ANKFN1: variants seen among roughly 807,000 people sequenced by gnomAD.
ANKFN1 encodes ankyrin repeat and fibronectin type-III domain-containing protein 1.
ANKFN1 carries 74 observed loss-of-function variants against 108.7 expected under a neutral mutation model. The ratio of observed to expected loss-of-function variants is 0.68; its 90% CI spans 0.56 to 0.83. The LOEUF (loss-of-function observed/expected upper bound fraction) is 0.83. ANKFN1 is among the 40% of genes least tolerant of loss of function. The probability of loss-of-function intolerance (pLI) is 0.00; values close to 1 mark genes in which losing one functional copy is unlikely to be tolerated. For missense variants in ANKFN1, 1,505 were observed against 1,382.3 expected (o/e 1.09, Z -1.41); for synonymous variants, 547 against 516.2 (o/e 1.06, Z -0.81).
intron 1 of ANKFN1, among the ~76,000 whole-genome samples, chr17:56,173,081 A>G (rs1910828395): frequency 6.6e-6 from 1 of 152,226 alleles, no homozygotes; most frequent in Admixed American, 6.5e-5. Flanking sequence ...GACCCTAAGT[A>G]AAATTTGTGA....
chr17:56,367,920 G>C (rs1037175371), intron 6 of ANKFN1: 1 of 178,272 alleles, frequency 5.6e-6, no homozygotes, highest in South Asian at 1.9e-4. Flanking sequence ...ATAAATAATA[G>C]GTTGATTTGT....
At position 56,492,269 on chromosome 17, in the gene ANKFN1, C is replaced by T; in HGVS notation, c.2343C>T (p.Thr781=). The change falls in exon 19 of 21, where the codon ACC becomes ACT. Residue 781 remains threonine, a synonymous_variant. Coordinates refer to ENST00000682825, the MANE Select transcript of ANKFN1 (RefSeq NM_001370326.1). ...TTGTGGAGCTGGATTCTCTGAACAC[C>T]CAACAGTCCCTCAGGGAAGCAATCT... The part of the protein sequence containing the change: ...SAVVELDSLN[T]QQSLREAISD... 1 of 702,496 alleles carries T rather than the reference C, an allele frequency of 1.4e-6. No homozygotes were observed. 43.5% of individuals were successfully genotyped at this position (702,496 alleles called of 1,614,324 possible). A position where few individuals can be genotyped will look rare whatever the true frequency, so the allele number is the denominator to read the frequency against.
intron 4 of ANKFN1, among the ~76,000 whole-genome samples, chr17:56,090,333 A>C (rs186163686): frequency 5.9e-5 from 9 of 151,430 alleles, no homozygotes; most frequent in African/African-American, 2.2e-4. Context: ...GCAGTATGTC[A>C]CCTGAAAGGT....
intron 20 of ANKFN1, among the ~76,000 whole-genome samples, chr17:56,500,000 G>A (rs1271611723): frequency 1.3e-5 from 2 of 152,166 alleles, no homozygotes; most frequent in East Asian, 3.8e-4. Flanking sequence ...GCAGCATGGT[G>A]TAACAGAAAG....
chr17:56,138,578 C>T (rs1027545710), intron 4 of ANKFN1, among the ~76,000 whole-genome samples: 8 of 149,998 alleles, frequency 5.3e-5, no homozygotes, highest in Non-Finnish European at 8.9e-5. Context: ...GGCATGATCT[C>T]GGCTCACTGT....
At chr17:56,247,950 G>A (rs111500650) in intron 3 of ANKFN1, among the ~76,000 whole-genome samples, 297 of 152,198 alleles carry the variant, frequency 2.0e-3, no homozygotes, top group Non-Finnish European at 3.0e-3. Context: ...GAGAAGACTT[G>A]GACAGAGCAG....
chr17:56,321,991 C>G (rs1214509942), intron 3 of ANKFN1, among the ~76,000 whole-genome samples: 1 of 152,126 alleles, frequency 6.6e-6, no homozygotes, highest in Non-Finnish European at 1.5e-5. Flanking sequence ...AAATGGCCCT[C>G]AATGTTGCTA....
At chr17:56,162,339 G>T (rs2143509533) in intron 1 of ANKFN1, among the ~76,000 whole-genome samples, 1 of 152,346 alleles carries the variant, frequency 6.6e-6, no homozygotes, top group Admixed American at 6.5e-5. Flanking sequence ...AGTTCTGGAG[G>T]CTGGAAGCCC....
intron 3 of ANKFN1, among the ~76,000 whole-genome samples, chr17:56,301,071 A>G (rs1295502812): frequency 2.6e-5 from 4 of 152,242 alleles, no homozygotes; most frequent in Non-Finnish European, 5.9e-5. Context: ...GTTCTCACAA[A>G]GCTTGGTGAA....
At position 56,092,069 on chromosome 17, in the gene ANKFN1, C is replaced by T. The variant is rs541720524; in HGVS notation, c.288+45744C>T. Among the ~76,000 whole-genome samples, 4 of 151,236 alleles carry T rather than the reference C, an allele frequency of 2.6e-5. 1 individual carries two copies. Among genetic ancestry groups the T allele is most frequent in the Non-Finnish European group, 3.0e-5 (2 of 67,692 alleles). On this transcript the variant is annotated intron_variant, in intron 4 of 12. Coordinates refer to the ANKFN1 transcript ENST00000635860. ...AGACAAAAGAAAAATTATCATAAAG[C>T]ATATGTTTACAAAAGAAAAACAATG... is the stretch of plus-strand genomic sequence containing the variant.
chr17:56,061,271 T>TTC (rs1343030401), intron 4 of ANKFN1, among the ~76,000 whole-genome samples: 8 of 131,224 alleles, frequency 6.1e-5, no homozygotes, highest in South Asian at 2.6e-4. Context: ...TTTTCTTTTT[T>TTC]TTTTTTTTTT....
At position 56,326,322 on chromosome 17, in the gene ANKFN1, C is replaced by A. The variant is rs139584887; in HGVS notation, c.155C>A (p.Thr52Asn). Residue 52 changes from threonine (T) to asparagine (N), a missense_variant, in exon 4 of 21, where the codon ACT becomes AAT. Thr to Asn is a moderately conservative substitution (Grantham distance 65, BLOSUM62 0). Coordinates refer to ENST00000682825, the MANE Select transcript of ANKFN1 (RefSeq NM_001370326.1). ...GAAAGCACTGGACAATTACCAACAACTTGTTCCTCTGCTGCCTCGAACAGC... is the reference window on the plus strand; with the variant it reads ...GAAAGCACTGGACAATTACCAACAAATTGTTCCTCTGCTGCCTCGAACAGC... ...LNESTGQLPTTCSSAASNSIN... is the reference protein window; with the variant it reads ...LNESTGQLPTNCSSAASNSIN... The A allele has an allele frequency of 3.3e-5, 54 of 1,613,806 alleles. No individual in the cohort carries two copies. In the African/African-American group the frequency reaches 6.0e-4, roughly 18 times the overall value.
chr17:56,229,927 C>G (rs1302263690), intron 3 of ANKFN1, among the ~76,000 whole-genome samples: 1 of 151,982 alleles, frequency 6.6e-6, no homozygotes, highest in African/African-American at 2.4e-5. Context: ...CATGGAGTCA[C>G]GGAAACATAT....
At chr17:56,419,619 C>G (rs2048340513) in intron 8 of ANKFN1, among the ~76,000 whole-genome samples, 1 of 151,692 alleles carries the variant, frequency 6.6e-6, no homozygotes, top group Non-Finnish European at 1.5e-5. Flanking sequence ...CCTAGCAAGA[C>G]CCTATCTCCA....
intron 4 of ANKFN1, among the ~76,000 whole-genome samples, chr17:56,094,806 C>CAT (rs1260868722): frequency 6.6e-6 from 1 of 150,632 alleles, no homozygotes; most frequent in Non-Finnish European, 1.5e-5. Flanking sequence ...AGGCATGAGC[C>CAT]ATAGCGCCCA....
At chr17:56,329,132 T>G (rs1194157218) in intron 4 of ANKFN1, among the ~76,000 whole-genome samples, 1 of 152,186 alleles carries the variant, frequency 6.6e-6, no homozygotes, top group East Asian at 1.9e-4. Flanking sequence ...AATGCTGCCC[T>G]GTTGGGTACA....
chr17:56,073,036 A>G lies in ANKFN1; in HGVS notation c.288+26711A>G, dbSNP rs183474246. Among the ~76,000 whole-genome samples the G allele has an allele frequency of 5.8e-3, 872 of 150,946 alleles. 12 individuals are homozygous for G. The highest frequency in any genetic ancestry group is 0.02 in the African/African-American group (838 of 41,004). The stretch of plus-strand genomic sequence containing the variant: ...GAGACGGAGTCTCGCTCTGTCGCCC[A>G]GGCTGGAGTGCAGTGGCGGGATCTC... On this transcript the variant is annotated intron_variant, in intron 4 of 12. Transcript: ENST00000635860.
chr17:56,491,470 G>T lies in ANKFN1; in HGVS notation c.2261-717G>T, dbSNP rs553208504. 2.0e-5 allele frequency among the ~76,000 whole-genome samples: 3 copies of T among 152,286 alleles called. No homozygotes were observed. In the East Asian group the frequency reaches 5.8e-4, roughly 29 times the overall value. The stretch of plus-strand genomic sequence containing the variant: ...CCTATACCAGGCTCAATCCTACACT[G>T]CTCTGTTCCTCCTGAAAAAAGGAAA... On this transcript the variant is annotated intron_variant, in intron 18 of 20. Coordinates refer to ENST00000682825, the MANE Select transcript of ANKFN1 (RefSeq NM_001370326.1).
chr17:56,347,925 G>A (rs1395545761), intron 4 of ANKFN1, among the ~76,000 whole-genome samples: 1 of 152,040 alleles, frequency 6.6e-6, no homozygotes, highest in African/African-American at 2.4e-5. Context: ...GGACTTCTGG[G>A]CATTGTGGGA....
Sources: allele counts gnomAD v4.1 joint callset (sites outside exome capture counted in the v4.1 genomes callset), GRCh38; gene constraint gnomAD v4.1.1; transcripts MANE v1.5; gene names NCBI Gene and HGNC (gene_info 2026-07-23, HGNC 2026-07-21).